Variants in TAFA1 observed in about 807,000 individuals in gnomAD.
The protein encoded by TAFA1 is chemokine-like protein TAFA-1.
In TAFA1, 4 loss-of-function variants were observed where a neutral mutation model predicts 18.5. The ratio of observed to expected loss-of-function variants is 0.22; its 90% CI spans 0.11 to 0.49. The LOEUF is 0.49. Ranked by LOEUF, TAFA1 falls within the 20% of genes least tolerant of loss-of-function variation. The probability of loss-of-function intolerance (pLI) is 0.98; values close to 1 mark genes in which losing one functional copy is unlikely to be tolerated. For synonymous variants in TAFA1, 56 were observed against 55.2 expected (o/e 1.01, Z -0.06); for missense variants, 147 against 169.0 (o/e 0.87, Z 0.72).
At chr3:68,143,862 A>T (rs907477238) in intron 2 of TAFA1, among the ~76,000 whole-genome samples, 1 of 152,164 alleles carries the variant, frequency 6.6e-6, no homozygotes, top group Non-Finnish European at 1.5e-5. Flanking sequence ...ATTCCAGGGT[A>T]CTTTTACCCA....
chr3:68,468,851 A>C (rs1479312114), intron 3 of TAFA1, among the ~76,000 whole-genome samples: 3 of 152,246 alleles, frequency 2.0e-5, no homozygotes. Flanking sequence ...GTTTCTAAGA[A>C]AGACGTATGT....
intron 2 of TAFA1, chr3:68,246,869 T>C (rs2067091297): frequency 6.6e-6 from 1 of 151,850 alleles, no homozygotes; most frequent in Non-Finnish European, 1.5e-5. Context: ...TCAAAAGGAG[T>C]TCAAGATTGG....
intron 2 of TAFA1, among the ~76,000 whole-genome samples, chr3:68,245,827 G>A (rs1324160126): frequency 6.6e-6 from 1 of 152,152 alleles, no homozygotes; most frequent in South Asian, 2.1e-4. Flanking sequence ...TTGTCTTCGT[G>A]TTTTGCGAAA....
In TAFA1 at chr3:68,317,645, T is replaced by A. The variant is rs560478514; in HGVS notation, c.119-99635T>A. 5.9e-5 allele frequency among the ~76,000 whole-genome samples: 9 copies of A among 152,288 alleles called. No individual in the cohort carries two copies. In the South Asian group the frequency reaches 1.9e-3, roughly 32 times the overall value. On this transcript the variant is annotated intron_variant, in intron 2 of 4. Transcript: ENST00000478136. ...ATCATGGTCCCTGGAATATGCCAGA[T>A]GCTTAATAATTATTGATTACAGGAC... is the stretch of plus-strand genomic sequence containing the variant.
intron 2 of TAFA1, among the ~76,000 whole-genome samples, chr3:68,251,449 C>T (rs2067193836): frequency 6.6e-6 from 1 of 152,196 alleles, no homozygotes; most frequent in African/African-American, 2.4e-5. Context: ...TCATTCATTG[C>T]ATGCCCACTC....
At chr3:68,419,714 A>G (rs2070917673) in intron 3 of TAFA1, among the ~76,000 whole-genome samples, 1 of 152,196 alleles carries the variant, frequency 6.6e-6, no homozygotes, top group Non-Finnish European at 1.5e-5. Flanking sequence ...TAGATAAGGA[A>G]GGACAACCTC....
At chr3:68,080,885 C>T (rs1290595366) in intron 2 of TAFA1, among the ~76,000 whole-genome samples, 2 of 152,148 alleles carry the variant, frequency 1.3e-5, no homozygotes, top group Non-Finnish European at 2.9e-5. Flanking sequence ...GGAAGTTCTC[C>T]TGGATAATAT....
chr3:68,234,444 T>C (rs2066904935), intron 2 of TAFA1, among the ~76,000 whole-genome samples: 1 of 152,166 alleles, frequency 6.6e-6, no homozygotes, highest in Admixed American at 6.5e-5. Flanking sequence ...TCTCCTCTTT[T>C]GGAGATAAAA....
chr3:68,037,899 C>G (rs574288216), intron 2 of TAFA1, among the ~76,000 whole-genome samples: 39 of 152,014 alleles, frequency 2.6e-4, no homozygotes, highest in Non-Finnish European at 5.7e-4. Flanking sequence ...GGAATGCAAT[C>G]CAAAGAAAAT....
chr3:68,423,360 A>G (rs1026424248), intron 3 of TAFA1, among the ~76,000 whole-genome samples: 27 of 152,168 alleles, frequency 1.8e-4, no homozygotes, highest in Non-Finnish European at 4.4e-5. Context: ...GACTGACTCA[A>G]AAATCACATA....
chr3:68,007,963 CGCCTGCACCAGGCTGCAGCGAGCGCGCAA>C (rs1195797596), intron 2 of TAFA1, among the ~76,000 whole-genome samples: 1 of 152,228 alleles, frequency 6.6e-6, no homozygotes, highest in Non-Finnish European at 1.5e-5. Flanking sequence ...TCCTCCCGCG[CGCCTGCACCAGGCTGCAGCGAGCGCGCAA>C]GCCTGCTGGG....
chr3:68,360,868 G>A (rs1326564425), intron 2 of TAFA1, among the ~76,000 whole-genome samples: 2 of 151,946 alleles, frequency 1.3e-5, no homozygotes, highest in Non-Finnish European at 2.9e-5. Flanking sequence ...ATTAAAATCA[G>A]TTATTATTCA....
chr3:68,305,522 G>A (rs1014081511), intron 2 of TAFA1, among the ~76,000 whole-genome samples: 3 of 145,268 alleles, frequency 2.1e-5, no homozygotes, highest in African/African-American at 2.5e-5. Flanking sequence ...TAAAGGCTTA[G>A]GGTAAGGGAG....
At chr3:68,258,210 T>G (rs2067336434) in intron 2 of TAFA1, among the ~76,000 whole-genome samples, 1 of 152,160 alleles carries the variant, frequency 6.6e-6, no homozygotes, top group Non-Finnish European at 1.5e-5. Flanking sequence ...TTAGGAGAAG[T>G]TGGGTAAAAG....
chr3:68,140,863 C>A (rs1285086251), intron 2 of TAFA1, among the ~76,000 whole-genome samples: 1 of 152,116 alleles, frequency 6.6e-6, no homozygotes, highest in Non-Finnish European at 1.5e-5. Flanking sequence ...GCATTTAGCC[C>A]CTTTACTGCC....
intron 2 of TAFA1, among the ~76,000 whole-genome samples, chr3:68,216,484 CTG>C (rs2066658804): frequency 6.6e-6 from 1 of 152,162 alleles, no homozygotes; most frequent in South Asian, 2.1e-4. Context: ...GAAAATAAGA[CTG>C]TGCATAAGCA....
At chr3:68,246,910 T>C (rs2107148696) in intron 2 of TAFA1, 1 of 152,284 alleles carries the variant, frequency 6.6e-6, no homozygotes, top group South Asian at 2.1e-4. Flanking sequence ...GGATGATAAA[T>C]GTTAGAACAT....
At chr3:68,509,935 A>G (rs539046966) in intron 3 of TAFA1, among the ~76,000 whole-genome samples, 36 of 152,192 alleles carry the variant, frequency 2.4e-4, no homozygotes, top group Non-Finnish European at 4.9e-4. Context: ...CCACTAATTT[A>G]TGCCCTCTTG....
chr3:68,460,331 C>A (rs1413169820), intron 3 of TAFA1, among the ~76,000 whole-genome samples: 1 of 152,072 alleles, frequency 6.6e-6, no homozygotes, highest in African/African-American at 2.4e-5. Context: ...ATGAAGATGT[C>A]AATACAAGGA....
Sources: allele counts gnomAD v4.1 joint callset (sites outside exome capture counted in the v4.1 genomes callset), GRCh38; gene constraint gnomAD v4.1.1; transcripts MANE v1.5; gene names NCBI Gene and HGNC (gene_info 2026-07-23, HGNC 2026-07-21).